The following OTUD7A variants were observed in gnomAD, a reference collection of about 807,000 sequenced individuals.
OTUD7A encodes OTU deubiquitinase 7A, also known as OTU domain-containing protein 7A.
Under a neutral mutation model 65.7 loss-of-function variants are expected in OTUD7A, and 12 were observed. The observed-to-expected ratio is 0.18, with a 90% CI of 0.12 to 0.30. The LOEUF is 0.30. OTUD7A is among the 10% of genes least tolerant of loss of function. The pLI, the probability that OTUD7A is intolerant of heterozygous loss-of-function variation, is 1.00. For synonymous variants in OTUD7A, 641 were observed against 586.3 expected, an observed-to-expected ratio of 1.09 and a Z score of -1.35; for missense variants, 1,148 against 1,304.8, an observed-to-expected ratio of 0.88 and a Z score of 1.85.
intron 3 of OTUD7A, among the ~76,000 whole-genome samples, chr15:31,610,617 A>ATATATATATATATTTTTT: frequency 9.8e-5 from 3 of 30,552 alleles, no homozygotes; most frequent in African/African-American, 1.7e-4. Flanking sequence ...ATATATATAT[A>ATATATATATATATTTTTT]TTTTTTTTTT....
chr15:31,530,238 C>T (rs765068363), intron 6 of OTUD7A, among the ~76,000 whole-genome samples: 9 of 152,196 alleles, frequency 5.9e-5, no homozygotes, highest in Non-Finnish European at 1.2e-4. Context: ...CAACCTCATG[C>T]ACTGCTCCCA....
chr15:31,831,134 C>T (rs1254834056), intron 1 of OTUD7A, among the ~76,000 whole-genome samples: 2 of 152,150 alleles, frequency 1.3e-5, no homozygotes, highest in African/African-American at 4.8e-5. Flanking sequence ...GAATCCCTAC[C>T]TCACACTATA....
intron 1 of OTUD7A, among the ~76,000 whole-genome samples, chr15:31,796,138 G>GGTGTGTGTGTGTGT (rs1249888883): frequency 2.8e-5 from 1 of 35,782 alleles, no homozygotes; most frequent in Non-Finnish European, 9.3e-5. Context: ...ACCAGTAAGG[G>GGTGTGTGTGTGTGT]GTGCGTGTGT....
At chr15:31,689,392 G>A (rs1302146117) in intron 1 of OTUD7A, 1 of 150,884 alleles carries the variant, frequency 6.6e-6, no homozygotes, top group Non-Finnish European at 1.5e-5. Context: ...GTGTGTGGCA[G>A]TCAGGCATGC....
intron 3 of OTUD7A, among the ~76,000 whole-genome samples, chr15:31,619,323 T>C (rs1890699027): frequency 6.6e-6 from 1 of 152,224 alleles, no homozygotes; most frequent in South Asian, 2.1e-4. Context: ...AAGTCACTGG[T>C]AGCTTGATGG....
chr15:31,848,816 G>A (rs1384554849), intron 1 of OTUD7A, among the ~76,000 whole-genome samples: 1 of 152,218 alleles, frequency 6.6e-6, no homozygotes, highest in Non-Finnish European at 1.5e-5. Flanking sequence ...AGCACTCAAA[G>A]TCAGAGAGCA....
chr15:31,664,916 T>A (rs1031687278), intron 1 of OTUD7A, among the ~76,000 whole-genome samples: 1 of 152,182 alleles, frequency 6.6e-6, no homozygotes, highest in Non-Finnish European at 1.5e-5. Context: ...CAAAAGGGCA[T>A]CCTTTCCCTA....
At chr15:31,731,782 G>A (rs1894050687) in intron 1 of OTUD7A, among the ~76,000 whole-genome samples, 1 of 152,094 alleles carries the variant, frequency 6.6e-6, no homozygotes, top group Non-Finnish European at 1.5e-5. Flanking sequence ...AGACAATGGA[G>A]GAGTCTATGC....
intron 1 of OTUD7A, among the ~76,000 whole-genome samples, chr15:31,763,780 A>G (rs1245511242): frequency 7.2e-5 from 11 of 152,204 alleles, no homozygotes; most frequent in Admixed American, 7.2e-4. Flanking sequence ...TTTTGACAAA[A>G]AGCCTGAATA....
chr15:31,735,837 A>G (rs193167669), intron 1 of OTUD7A, among the ~76,000 whole-genome samples: 30 of 152,376 alleles, frequency 2.0e-4, no homozygotes, highest in African/African-American at 7.0e-4. Context: ...CAGGCTGGAT[A>G]AACAAAATGT....
chr15:31,827,474 T>C (rs1201911470), intron 1 of OTUD7A, among the ~76,000 whole-genome samples: 1 of 152,244 alleles, frequency 6.6e-6, no homozygotes, highest in Non-Finnish European at 1.5e-5. Flanking sequence ...GGGAGTATGA[T>C]TCAAGATGAG....
At chr15:31,523,300 G>A (rs1263957723) in intron 8 of OTUD7A, among the ~76,000 whole-genome samples, 1 of 152,244 alleles carries the variant, frequency 6.6e-6, no homozygotes, top group Non-Finnish European at 1.5e-5. Flanking sequence ...GGAGGGGCAG[G>A]AGGGTGGCAA....
At chr15:31,542,611 T>G (rs1412026402) in intron 5 of OTUD7A, among the ~76,000 whole-genome samples, 1 of 151,878 alleles carries the variant, frequency 6.6e-6, no homozygotes, top group African/African-American at 2.4e-5. Flanking sequence ...TTCCAAAATA[T>G]GTAAAAATAA....
intron 1 of OTUD7A, among the ~76,000 whole-genome samples, chr15:31,846,235 T>A (rs537511265): frequency 6.6e-6 from 1 of 152,352 alleles, no homozygotes; most frequent in South Asian, 2.1e-4. Context: ...ATGATCAACA[T>A]GACTCTTTCC....
chr15:31,764,053 C>T (rs752941195), intron 1 of OTUD7A, among the ~76,000 whole-genome samples: 26 of 152,242 alleles, frequency 1.7e-4, no homozygotes, highest in Non-Finnish European at 3.2e-4. Context: ...ACAAGAGTGA[C>T]ACGGGAGGGA....
chr15:31,780,366 C>T (rs1203321601), intron 1 of OTUD7A, among the ~76,000 whole-genome samples: 2 of 152,134 alleles, frequency 1.3e-5, no homozygotes, highest in Non-Finnish European at 1.5e-5. Context: ...AGGAGAAAAT[C>T]AACTTTACTA....
chr15:31,690,731 C>T (rs552572454), intron 1 of OTUD7A, among the ~76,000 whole-genome samples: 33 of 152,180 alleles, frequency 2.2e-4, no homozygotes, highest in African/African-American at 7.5e-4. Context: ...TATCCACATG[C>T]AAAATAATGA....
chr15:31,839,529 C>T (rs1222853163), intron 1 of OTUD7A, among the ~76,000 whole-genome samples: 1 of 152,132 alleles, frequency 6.6e-6, no homozygotes, highest in Non-Finnish European at 1.5e-5. Context: ...CCAGGCATAT[C>T]CTGCCAAAGA....
intron 1 of OTUD7A, among the ~76,000 whole-genome samples, chr15:31,860,697 A>ATATATATG (rs1417556267): frequency 2.3e-5 from 3 of 129,760 alleles, no homozygotes; most frequent in African/African-American, 8.5e-5. Flanking sequence ...ATATATATAT[A>ATATATATG]TATGTATGTA....
Sources: gnomAD v4.1 joint callset for allele counts (sites outside exome capture counted in the v4.1 genomes callset) on GRCh38, gnomAD v4.1.1 for gene constraint, MANE v1.5 for transcripts, NCBI Gene and HGNC (gene_info 2026-07-23, HGNC 2026-07-21) for gene names.